The following LMX1B variants were observed in gnomAD, a reference collection of about 807,000 sequenced individuals.
LMX1B encodes the protein LIM homeobox transcription factor 1-beta.
LMX1B carries 12 observed loss-of-function variants against 51.4 expected under a neutral mutation model. The ratio of observed to expected loss-of-function variants is 0.23; its 90% CI spans 0.15 to 0.38. The LOEUF (loss-of-function observed/expected upper bound fraction) is 0.38, where lower values mean the gene tolerates loss of function less well. LMX1B is among the 10% of genes least tolerant of loss of function. LMX1B has a pLI of 1.00. For synonymous variants in LMX1B, 237 were observed against 235.4 expected (o/e 1.01, Z -0.06); for missense variants, 445 against 571.1 (o/e 0.78, Z 2.25).
At chr9:126,682,509 C>T (rs1337454908) in intron 2 of LMX1B, among the ~76,000 whole-genome samples, 1 of 152,184 alleles carries the variant, frequency 6.6e-6, no homozygotes, top group East Asian at 1.9e-4. Flanking sequence ...TAAGAAGGAA[C>T]TGGGGGTGGG....
At chr9:126,685,794 C>T (rs921800274) in intron 2 of LMX1B, among the ~76,000 whole-genome samples, 12 of 152,056 alleles carry the variant, frequency 7.9e-5, no homozygotes, top group Admixed American at 3.3e-4. Flanking sequence ...TCATGATCAC[C>T]GTTTATTGAG....
chr9:126,661,254 C>CT (rs1235542229), intron 2 of LMX1B, among the ~76,000 whole-genome samples: 1,630 of 124,824 alleles, frequency 0.013, 53 homozygotes, highest in Middle Eastern at 0.043. Context: ...AGGGCGACCT[C>CT]CCAGGCCAGC....
At chr9:126,619,012 C>A (rs1197472610) in intron 2 of LMX1B, among the ~76,000 whole-genome samples, 1 of 152,096 alleles carries the variant, frequency 6.6e-6, no homozygotes, top group Non-Finnish European at 1.5e-5. Context: ...GGCGGCCGAG[C>A]CTCTCGGCGA....
chr9:126,690,349 G>A (rs1011840485), intron 2 of LMX1B, among the ~76,000 whole-genome samples: 1 of 152,176 alleles, frequency 6.6e-6, no homozygotes, highest in Admixed American at 6.5e-5. Flanking sequence ...AGCCCAGAGA[G>A]GGGACCAGGC....
At chr9:126,687,185 C>T (rs757116577) in intron 2 of LMX1B, among the ~76,000 whole-genome samples, 1 of 151,904 alleles carries the variant, frequency 6.6e-6, no homozygotes, top group African/African-American at 2.4e-5. Context: ...CCAGCCCCTG[C>T]CAACAACCCC....
At chr9:126,633,407 C>A (rs567034126) in intron 2 of LMX1B, among the ~76,000 whole-genome samples, 17 of 152,172 alleles carry the variant, frequency 1.1e-4, no homozygotes. Context: ...AATGAATGAA[C>A]GGTGCTTACC....
rs966725311 is a variant in LMX1B at position 126,626,504 on chromosome 9, G to A, written c.326+10935G>A. On this transcript the variant is annotated intron_variant, in intron 2 of 7. Coordinates refer to ENST00000373474, the MANE Select transcript of LMX1B (RefSeq NM_001174147.2). This position sits in a 1 kb window ranked among gnomAD's most constrained non-coding sequence, Gnocchi z 4.3. Reference sequence around the variant, plus strand: ...GCAGGCGAGAGCGGGGAAGGGGACCGATGGAGCCAGAAGCCCTGAGCTCAC... The same window carrying A: ...GCAGGCGAGAGCGGGGAAGGGGACCAATGGAGCCAGAAGCCCTGAGCTCAC... Among the ~76,000 whole-genome samples, 1 of 152,144 alleles carries A rather than the reference G, an allele frequency of 6.6e-6. No homozygotes were observed. Among genetic ancestry groups the A allele is most frequent in the Non-Finnish European group, 1.5e-5 (1 of 68,014 alleles).
At chr9:126,664,893 C>T (rs1836314294) in intron 2 of LMX1B, among the ~76,000 whole-genome samples, 1 of 152,184 alleles carries the variant, frequency 6.6e-6, no homozygotes, top group Non-Finnish European at 1.5e-5. Context: ...AATAAATGCA[C>T]ACGTTGTGCA....
rs545361090 is a variant in LMX1B, at chr9:126,697,709, G to C, written c.*1258G>C. On this transcript the variant is annotated 3_prime_UTR_variant, in exon 8 of 8. Transcript: ENST00000373474. ...CTTCCTCTGTTAATTTGGCCCAAAA[G>C]ACAATGATTTGGCCACATGACCTTA... 1 of 152,338 alleles carries C rather than the reference G, an allele frequency of 6.6e-6. No homozygotes were observed. Among genetic ancestry groups the C allele is most frequent in the Non-Finnish European group, 1.5e-5 (1 of 68,134 alleles). 9.4% of individuals were successfully genotyped at this position (152,338 alleles called of 1,614,324 possible). A position where few individuals can be genotyped will look rare whatever the true frequency, so the allele number is the denominator to read the frequency against.
chr9:126,673,414 C>T lies in LMX1B; in HGVS notation c.327-17422C>T, dbSNP rs1322673451. ...GAGCTGGGCAGATCTGAGAGCCGCA[C>T]AGGAGGCCAGTGGGGTCAAGCTCAG... On this transcript the variant is annotated intron_variant, in intron 2 of 7. Coordinates refer to ENST00000373474, the MANE Select transcript of LMX1B (RefSeq NM_001174147.2). The surrounding 1 kb of genome is among the most constrained non-coding windows in gnomAD (Gnocchi z 4.4). Among the ~76,000 whole-genome samples, 1 of 152,116 alleles carries T rather than the reference C, an allele frequency of 6.6e-6. No homozygotes were observed. Among genetic ancestry groups the T allele is most frequent in the Non-Finnish European group, 1.5e-5 (1 of 68,016 alleles).
intron 2 of LMX1B, among the ~76,000 whole-genome samples, chr9:126,620,170 A>G (rs1564145379): frequency 6.6e-6 from 1 of 152,180 alleles, no homozygotes; most frequent in African/African-American, 2.4e-5. Flanking sequence ...AGGGTTTACC[A>G]TGAGCCTCTC....
chr9:126,640,760 C>A (rs545788240), intron 2 of LMX1B: 1 of 152,334 alleles, frequency 6.6e-6, no homozygotes, highest in Admixed American at 6.5e-5. Flanking sequence ...AGGATGCTGG[C>A]GTCCCAGAGC....
At position 126,652,428 on chromosome 9, in the gene LMX1B, C is replaced by A. The variant is rs966808837; in HGVS notation, c.326+36859C>A. On this transcript the variant is annotated intron_variant, in intron 2 of 7. Transcript: ENST00000373474. ...ACGATAACTGCACCTGGCAGGGAAG[C>A]CTTCCTGCAGGTGGGGGTGCGGCCG... Among the ~76,000 whole-genome samples, 43 of 152,254 alleles carry A rather than the reference C, an allele frequency of 2.8e-4. 1 individual carries two copies. The highest frequency in any genetic ancestry group is 1.3e-4 in the Admixed American group (2 of 15,290).
chr9:126,634,612 C>T (rs921335345), intron 2 of LMX1B, among the ~76,000 whole-genome samples: 1 of 151,450 alleles, frequency 6.6e-6, no homozygotes. Context: ...ACCCCCCCCA[C>T]AATGCCACAT....
At chr9:126,622,184 G>A (rs1004298357) in intron 2 of LMX1B, among the ~76,000 whole-genome samples, 5 of 152,176 alleles carry the variant, frequency 3.3e-5, no homozygotes, top group African/African-American at 9.7e-5. Flanking sequence ...AGCCCTGGAC[G>A]AATGTCCTGG....
chr9:126,616,634 G>A (rs1564144312), intron 2 of LMX1B, among the ~76,000 whole-genome samples: 1 of 152,208 alleles, frequency 6.6e-6, no homozygotes, highest in African/African-American at 2.4e-5. Context: ...TAGGTGGTTT[G>A]GTGCTCAGAG....
At chr9:126,692,715 G>A (rs954123441) in intron 3 of LMX1B, among the ~76,000 whole-genome samples, 2 of 152,238 alleles carry the variant, frequency 1.3e-5, no homozygotes, top group Non-Finnish European at 2.9e-5. Flanking sequence ...GCACACTTTC[G>A]TGTATGTCCA....
At chr9:126,668,536 CTCTGTCT>C (rs1836388889) in intron 2 of LMX1B, among the ~76,000 whole-genome samples, 1 of 152,010 alleles carries the variant, frequency 6.6e-6, no homozygotes, top group African/African-American at 2.4e-5. Flanking sequence ...TCACTGAAAC[CTCTGTCT>C]TCTGAGTTCA....
chr9:126,649,618 C>G (rs1039628030), intron 2 of LMX1B, among the ~76,000 whole-genome samples: 1 of 152,146 alleles, frequency 6.6e-6, no homozygotes, highest in Non-Finnish European at 1.5e-5. Context: ...TCTTGAGAAC[C>G]TCTGTTGTTT....
Sources: gnomAD v4.1 joint callset for allele counts (sites outside exome capture counted in the v4.1 genomes callset) on GRCh38, gnomAD v4.1.1 for gene constraint, Gnocchi (gnomAD v3.1) non-coding constraint, MANE v1.5 for transcripts, NCBI Gene and HGNC (gene_info 2026-07-23, HGNC 2026-07-21) for gene names.